The following DIP2C variants were observed in gnomAD, a reference collection of about 807,000 sequenced individuals.
DIP2C encodes the protein DIP2 acetate--CoA ligase C (putative).
DIP2C carries 33 observed loss-of-function variants against 192.4 expected under a neutral mutation model. That is an observed-to-expected ratio of 0.17 (90% CI 0.13 to 0.23). The LOEUF is 0.23. DIP2C is among the 10% of genes least tolerant of loss of function. The pLI, the probability that DIP2C is intolerant of heterozygous loss-of-function variation, is 1.00. For missense variants in DIP2C, 1,537 were observed against 2,110.1 expected (o/e 0.73, Z 5.32); for synonymous variants, 979 against 864.1 (o/e 1.13, Z -2.33).
intron 3 of DIP2C, among the ~76,000 whole-genome samples, chr10:469,120 C>T (rs1970436332): frequency 6.6e-6 from 1 of 152,036 alleles, no homozygotes; most frequent in South Asian, 2.1e-4. Context: ...AATTGGAGAC[C>T]ATTATCTGTG....
intron 31 of DIP2C, among the ~76,000 whole-genome samples, chr10:315,752 T>A (rs985746973): frequency 6.6e-6 from 1 of 152,196 alleles, no homozygotes. Flanking sequence ...GTCTTCAAAT[T>A]GTTCTCTTGC....
At chr10:612,071 G>A (rs766573836) in intron 1 of DIP2C, among the ~76,000 whole-genome samples, 38 of 152,090 alleles carry the variant, frequency 2.5e-4, no homozygotes, top group Non-Finnish European at 3.7e-4. Context: ...CAAGGTGAGC[G>A]CATCACCTGA....
At chr10:469,189 C>G (rs1970441051) in intron 3 of DIP2C, among the ~76,000 whole-genome samples, 1 of 152,194 alleles carries the variant, frequency 6.6e-6, no homozygotes, top group Non-Finnish European at 1.5e-5. Flanking sequence ...AGACTATCCT[C>G]TGTGCAGGTG....
At chr10:465,024 C>G (rs932278108) in intron 3 of DIP2C, among the ~76,000 whole-genome samples, 29 of 149,186 alleles carry the variant, frequency 1.9e-4, no homozygotes, top group Non-Finnish European at 3.7e-4. Flanking sequence ...GGAATCCTCC[C>G]TAACTCATTT....
At chr10:404,314 T>G (rs1431628606) in intron 9 of DIP2C, among the ~76,000 whole-genome samples, 1 of 151,996 alleles carries the variant, frequency 6.6e-6, no homozygotes, top group Non-Finnish European at 1.5e-5. Context: ...GTTCAAGCGA[T>G]TCTCTTGCCT....
intron 31 of DIP2C, among the ~76,000 whole-genome samples, chr10:324,234 A>T (rs1035590353): frequency 2.0e-5 from 3 of 152,222 alleles, no homozygotes; most frequent in African/African-American, 7.2e-5. Flanking sequence ...AAACTTTGTC[A>T]TAAGTTTCTT....
intron 1 of DIP2C, among the ~76,000 whole-genome samples, chr10:673,328 CAA>C (rs750762595): frequency 6.6e-6 from 1 of 152,182 alleles, no homozygotes; most frequent in Non-Finnish European, 1.5e-5. Context: ...CTCATCTGTA[CAA>C]AGAGAGCAAT....
In DIP2C at chr10:284,558, A is replaced by G. The variant is rs74952867; in HGVS notation, c.4120-1112T>C. Among the ~76,000 whole-genome samples, 416 of 152,352 alleles carry G rather than the reference A, an allele frequency of 2.7e-3. 2 individuals carry two copies. The highest frequency in any genetic ancestry group is 9.8e-3 in the African/African-American group (406 of 41,582). ...GAATCTAAAAAGCTGAGTTCATAGA[A>G]GCGGAGGGTAAACGGTGGTTAGCCG... is the stretch of plus-strand genomic sequence containing the variant. On this transcript the variant is annotated intron_variant, in intron 34 of 36. Coordinates refer to ENST00000280886, the MANE Select transcript of DIP2C (RefSeq NM_014974.3).
At chr10:292,155 G>C (rs547460018) in intron 32 of DIP2C, among the ~76,000 whole-genome samples, 1 of 152,340 alleles carries the variant, frequency 6.6e-6, no homozygotes, top group East Asian at 1.9e-4. Flanking sequence ...AAACCTGTCA[G>C]CTCCAGATCC....
At position 636,820 on chromosome 10, in the gene DIP2C, A is replaced by G. The variant is rs948532044; in HGVS notation, c.85+52674T>C. Among the ~76,000 whole-genome samples, 1 of 152,188 alleles carries G rather than the reference A, an allele frequency of 6.6e-6. No individual in the cohort carries two copies. Among genetic ancestry groups the G allele is most frequent in the African/African-American group, 2.4e-5 (1 of 41,442 alleles). ...CCTCTTATGCACCTCAGTTCCCTGT[A>G]AACAGGAAGTTTCAGTCTCGAGGCG... On this transcript the variant is annotated intron_variant, in intron 1 of 36. Coordinates refer to ENST00000280886, the MANE Select transcript of DIP2C (RefSeq NM_014974.3). The surrounding 1 kb of genome is among the most constrained non-coding windows in gnomAD (Gnocchi z 4.6).
intron 1 of DIP2C, among the ~76,000 whole-genome samples, chr10:502,541 T>C (rs184827065): frequency 4.8e-4 from 73 of 151,786 alleles, no homozygotes; most frequent in African/African-American, 1.7e-3. Context: ...TCAAAGAAAC[T>C]GAAAACAGAA....
intron 3 of DIP2C, among the ~76,000 whole-genome samples, chr10:466,455 T>A (rs1273157359): frequency 1.7e-4 from 24 of 139,440 alleles, no homozygotes; most frequent in Non-Finnish European, 3.3e-4. Flanking sequence ...AACCTAGGCA[T>A]TACCATTCAG....
At chr10:456,608 A>G (rs1969320471) in intron 3 of DIP2C, among the ~76,000 whole-genome samples, 1 of 152,230 alleles carries the variant, frequency 6.6e-6, no homozygotes, top group Admixed American at 6.5e-5. Context: ...CAGAGAAGAA[A>G]GCCAAGCCTG....
intron 2 of DIP2C, among the ~76,000 whole-genome samples, chr10:480,969 T>C (rs1006154796): frequency 6.6e-6 from 1 of 152,190 alleles, no homozygotes; most frequent in Non-Finnish European, 1.5e-5. Flanking sequence ...CCTTACCCTG[T>C]GAGCTGCCAC....
intron 9 of DIP2C, among the ~76,000 whole-genome samples, chr10:407,565 G>A (rs769246941): frequency 9.9e-5 from 15 of 152,158 alleles, no homozygotes; most frequent in Admixed American, 2.0e-4. Flanking sequence ...CAAGGGTTCC[G>A]ACTTCCCCAC....
intron 1 of DIP2C, among the ~76,000 whole-genome samples, chr10:653,409 C>T (rs916295317): frequency 6.6e-6 from 1 of 152,178 alleles, no homozygotes; most frequent in African/African-American, 2.4e-5. Context: ...GATCACACCA[C>T]TGCACTCCAG....
intron 24 of DIP2C, 152 bp from the exon 25 acceptor site, chr10:349,606 T>C (rs1958693887): frequency 9.6e-7 from 1 of 1,045,432 alleles, no homozygotes; most frequent in Non-Finnish European, 1.3e-6. Context: ...TGACAGTCAA[T>C]TTTAGAACGT....
chr10:385,364 C>T (rs1962805471), intron 14 of DIP2C, among the ~76,000 whole-genome samples: 1 of 152,228 alleles, frequency 6.6e-6, no homozygotes, highest in Non-Finnish European at 1.5e-5. Context: ...AACTCCACTG[C>T]TTTCCCTAAA....
chr10:364,283 A>G (rs2132733184), intron 20 of DIP2C, 91 bp downstream of exon 20: 1 of 1,427,550 alleles, frequency 7.0e-7, no homozygotes, highest in African/African-American at 1.4e-5. Context: ...CAATACATTT[A>G]AGGAAACTGT....
Sources: gnomAD v4.1 joint callset for allele counts (sites outside exome capture counted in the v4.1 genomes callset) on GRCh38, gnomAD v4.1.1 for gene constraint, Gnocchi (gnomAD v3.1) non-coding constraint, MANE v1.5 for transcripts, NCBI Gene and HGNC (gene_info 2026-07-23, HGNC 2026-07-21) for gene names.